The following PKHD1 variants were observed in gnomAD, a reference collection of about 807,000 sequenced individuals.
The protein encoded by PKHD1 is fibrocystin.
In PKHD1, 291 loss-of-function variants were observed where a neutral mutation model predicts 412.0. The ratio of observed to expected loss-of-function variants is 0.71; its 90% CI spans 0.64 to 0.78. The LOEUF (loss-of-function observed/expected upper bound fraction) is 0.78, where lower values mean the gene tolerates loss of function less well. Ranked by LOEUF, PKHD1 falls within the 30% of genes least tolerant of loss-of-function variation. The pLI is 0.00. For synonymous variants in PKHD1, 1,777 were observed against 1,821.5 expected, an observed-to-expected ratio of 0.98 and a Z score of 0.62; for missense variants, 4,825 against 4,950.7, an observed-to-expected ratio of 0.97 and a Z score of 0.76.
chr6:51,673,216 G>C (rs147779437), intron 60 of PKHD1, among the ~76,000 whole-genome samples: 25 of 152,270 alleles, frequency 1.6e-4, no homozygotes, highest in Admixed American at 5.2e-4. Flanking sequence ...GTCAGCTTCC[G>C]TGTTTTCCCT....
intron 36 of PKHD1, among the ~76,000 whole-genome samples, chr6:51,959,471 G>A (rs1298059624): frequency 6.6e-6 from 1 of 152,076 alleles, no homozygotes; most frequent in East Asian, 1.9e-4. Context: ...AACCACAACA[G>A]GGTAAAAGCA....
intron 25 of PKHD1, among the ~76,000 whole-genome samples, chr6:52,044,461 G>A (rs1006010025): frequency 3.9e-5 from 6 of 152,018 alleles, no homozygotes; most frequent in South Asian, 2.1e-4. Context: ...TTTCCATAAA[G>A]ACAAAAAATA....
chr6:51,961,978 T>C (rs546838571), intron 35 of PKHD1, among the ~76,000 whole-genome samples: 110 of 152,232 alleles, frequency 7.2e-4, no homozygotes, highest in Middle Eastern at 3.4e-3. Flanking sequence ...ACAATTTTAA[T>C]GATCCTCTCA....
intron 50 of PKHD1, among the ~76,000 whole-genome samples, chr6:51,843,734 G>A (rs1159242304): frequency 1.3e-5 from 2 of 152,218 alleles, no homozygotes; most frequent in African/African-American, 4.8e-5. Context: ...TATTGCTCCT[G>A]CAGCATCCTA....
At chr6:51,888,508 T>C (rs1411324847) in intron 43 of PKHD1, among the ~76,000 whole-genome samples, 1 of 152,098 alleles carries the variant, frequency 6.6e-6, no homozygotes, top group African/African-American at 2.4e-5. Context: ...TCCAACATGT[T>C]CAAACCAAGA....
chr6:51,960,649 T>C (rs573261695), intron 35 of PKHD1, among the ~76,000 whole-genome samples: 1 of 152,312 alleles, frequency 6.6e-6, no homozygotes, highest in Admixed American at 6.5e-5. Context: ...CTGTGCCTGG[T>C]GCATCAGGGC....
intron 45 of PKHD1, 135 bp downstream of exon 45, chr6:51,885,732 C>G (rs1778100318): frequency 1.4e-6 from 1 of 710,926 alleles, no homozygotes; most frequent in Non-Finnish European, 2.6e-6. Flanking sequence ...AAAATTGTGA[C>G]AGCACAGCAA....
chr6:51,790,922 T>C (rs1020244167), intron 53 of PKHD1, among the ~76,000 whole-genome samples: 1 of 152,142 alleles, frequency 6.6e-6, no homozygotes, highest in Admixed American at 6.5e-5. Flanking sequence ...AAAGGCATAT[T>C]CTGACACAAA....
In PKHD1 at chr6:52,025,546, G is replaced by T. The variant is rs776583949; in HGVS notation, c.4264C>A (p.Arg1422=). 4 of 1,614,150 alleles carry T rather than the reference G, an allele frequency of 2.5e-6. No homozygotes were observed. The highest frequency in any genetic ancestry group is 3.4e-6 in the Non-Finnish European group (4 of 1,180,036). ...GTAAAAGGACCCGAGAGGTCAACCCGAACTGACCTCCTTCTAGAGTTAAGA... is the reference window on the plus strand; with the variant it reads ...GTAAAAGGACCCGAGAGGTCAACCCTAACTGACCTCCTTCTAGAGTTAAGA... The part of the protein sequence containing the change: ...LLLNSRRRSV[R]VDLSGPFTCV... Residue 1422 remains arginine (R), a synonymous_variant, in exon 32 of 67, where the codon CGG becomes AGG. Coordinates refer to ENST00000371117, the MANE Select transcript of PKHD1 (RefSeq NM_138694.4).
chr6:51,775,988 CA>C (rs1790962796), intron 53 of PKHD1, 67 bp from the exon 54 acceptor site: 1 of 807,736 alleles, frequency 1.2e-6, no homozygotes, highest in Non-Finnish European at 2.2e-6. Flanking sequence ...GGAGAAATTG[CA>C]GTATAATTTC....
chr6:51,939,917 T>C (rs1468710108), intron 36 of PKHD1, among the ~76,000 whole-genome samples: 2 of 151,576 alleles, frequency 1.3e-5, no homozygotes, highest in African/African-American at 4.8e-5. Context: ...TCACACCAGG[T>C]CTGGCTTACA....
rs1765896169 is a variant in PKHD1, at chr6:51,818,804, C to T, written c.8302+12057G>A. Among the ~76,000 whole-genome samples, 3 of 152,198 alleles carry T rather than the reference C, an allele frequency of 2.0e-5. No individual in the cohort carries two copies. In the South Asian group the frequency reaches 6.2e-4, roughly 32 times the overall value. Reference sequence around the variant, plus strand: ...CTTTCTGCTGCCTGGAATGCGGCTGCAATGGCTGGTGCTCCAGCACATTGA... The same window carrying T: ...CTTTCTGCTGCCTGGAATGCGGCTGTAATGGCTGGTGCTCCAGCACATTGA... On this transcript the variant is annotated intron_variant, in intron 52 of 66. Coordinates refer to ENST00000371117, the MANE Select transcript of PKHD1 (RefSeq NM_138694.4).
At position 51,748,254 on chromosome 6, in the gene PKHD1, T is replaced by A; in HGVS notation, c.9362A>T (p.Asn3121Ile). ...CSSCELLWSD[N>I]VAHSSLHGLH... ...GCCATGAAGACTTGAATGCGCCACA[T>A]TGTCAGACCAAAGCAGTTCACAAGA... Residue 3121 changes from asparagine (N) to isoleucine (I), a missense_variant, in exon 58 of 67, where the codon AAT becomes ATT. By Grantham distance (149) the Asn-to-Ile change is moderately radical. Coordinates refer to ENST00000371117, the MANE Select transcript of PKHD1 (RefSeq NM_138694.4). 1 of 1,614,072 alleles carries A rather than the reference T, an allele frequency of 6.2e-7. No individual in the cohort carries two copies. Among genetic ancestry groups the A allele is most frequent in the Non-Finnish European group, 8.5e-7 (1 of 1,179,968 alleles).
At chr6:51,942,860 C>A (rs984888912) in intron 36 of PKHD1, among the ~76,000 whole-genome samples, 3 of 151,622 alleles carry the variant, frequency 2.0e-5, no homozygotes, top group African/African-American at 7.3e-5. Flanking sequence ...TTCTACTACT[C>A]CTCAGGGATT....
chr6:51,660,740 T>C (rs1268680781), intron 60 of PKHD1, among the ~76,000 whole-genome samples: 2 of 152,170 alleles, frequency 1.3e-5, no homozygotes, highest in Non-Finnish European at 2.9e-5. Context: ...GGGAAGGGCA[T>C]GGAGCTTCCA....
chr6:51,840,820 C>T (rs1770054240), intron 50 of PKHD1, among the ~76,000 whole-genome samples: 1 of 152,144 alleles, frequency 6.6e-6, no homozygotes, highest in African/African-American at 2.4e-5. Flanking sequence ...TTATACCAAA[C>T]CCTTACAGAC....
chr6:51,806,178 C>G (rs868336205), intron 52 of PKHD1, among the ~76,000 whole-genome samples: 1 of 151,682 alleles, frequency 6.6e-6, no homozygotes, highest in African/African-American at 2.4e-5. Context: ...ACATATGTAA[C>G]TAACCTGCAC....
At chr6:51,922,630 A>C (rs10948660) in intron 37 of PKHD1, among the ~76,000 whole-genome samples, 19,587 of 152,046 alleles carry the variant, frequency 0.13, 1,574 homozygotes, top group Non-Finnish European at 0.19. Context: ...TTGTTTACCT[A>C]CTCAAGCCTC....
intron 60 of PKHD1, among the ~76,000 whole-genome samples, chr6:51,690,336 CA>C (rs1397244975): frequency 2.8e-5 from 4 of 145,242 alleles, no homozygotes; most frequent in Non-Finnish European, 6.0e-5. Flanking sequence ...TACATGGAAC[CA>C]AAAAAGAGAT....
Sources: gnomAD v4.1 joint callset for allele counts (sites outside exome capture counted in the v4.1 genomes callset) on GRCh38, gnomAD v4.1.1 for gene constraint, MANE v1.5 for transcripts, NCBI Gene and HGNC (gene_info 2026-07-23, HGNC 2026-07-21) for gene names.